CDC42BPA: variants seen among roughly 807,000 people sequenced by gnomAD.
The protein encoded by CDC42BPA is CDC42 binding protein kinase alpha.
CDC42BPA carries 80 observed loss-of-function variants against 223.5 expected under a neutral mutation model. The observed-to-expected ratio is 0.36, with a 90% CI of 0.30 to 0.43. The LOEUF is 0.43. Ranked by LOEUF, CDC42BPA falls within the 20% of genes least tolerant of loss-of-function variation. The pLI is 1.00. For synonymous variants in CDC42BPA, 694 were observed against 718.6 expected, an observed-to-expected ratio of 0.97 and a Z score of 0.55; for missense variants, 1,743 against 2,099.9, an observed-to-expected ratio of 0.83 and a Z score of 3.32.
intron 1 of CDC42BPA, among the ~76,000 whole-genome samples, chr1:227,273,741 C>A (rs147480438): frequency 1.1e-3 from 160 of 151,600 alleles, no homozygotes; most frequent in African/African-American, 3.7e-3. Context: ...GGTCCTGAAC[C>A]TCCATGAAAT....
At chr1:227,057,471 G>T (rs1674824663) in intron 21 of CDC42BPA, among the ~76,000 whole-genome samples, 1 of 152,114 alleles carries the variant, frequency 6.6e-6, no homozygotes, top group Admixed American at 6.5e-5. Flanking sequence ...GTTAAGAATG[G>T]TAACTGCATG....
chr1:227,203,019 T>A (rs565164985), intron 3 of CDC42BPA, among the ~76,000 whole-genome samples: 5 of 152,124 alleles, frequency 3.3e-5, no homozygotes, highest in East Asian at 1.9e-4. Flanking sequence ...GAAACTAGTA[T>A]AAAAACCCCC....
At chr1:227,006,598 A>G (rs970495604) in intron 34 of CDC42BPA, among the ~76,000 whole-genome samples, 4 of 152,188 alleles carry the variant, frequency 2.6e-5, no homozygotes. Context: ...AACCTCATAC[A>G]GCCATCTGCA....
intron 26 of CDC42BPA, among the ~76,000 whole-genome samples, chr1:227,034,194 G>A (rs1011789037): frequency 2.0e-5 from 3 of 152,182 alleles, no homozygotes; most frequent in Admixed American, 1.3e-4. Context: ...AGGAGAAAAG[G>A]TAAAGGAGAG....
In CDC42BPA at chr1:227,005,111, T is replaced by G. The variant is rs1663732992; in HGVS notation, c.4858A>C (p.Asn1620His). ...GIQILKDLPM[N>H]PRPQESRTVF... is the part of the protein sequence containing the mutation. ...GTCCGACTTTCCTGAGGCCGAGGGTTCTATAAACAAAAGCGAGAGAGACAT... is the reference window on the plus strand; with the variant it reads ...GTCCGACTTTCCTGAGGCCGAGGGTGCTATAAACAAAAGCGAGAGAGACAT... Residue 1620 changes from asparagine (N) to histidine (H), a missense_variant and splice_region_variant, in exon 35 of 37, where the codon AAC becomes CAC. Asn to His is a moderately conservative substitution (Grantham distance 68, BLOSUM62 1). Transcript: ENST00000366766. 2 of 1,603,994 alleles carry G rather than the reference T, an allele frequency of 1.2e-6. No individual in the cohort carries two copies. The highest frequency in any genetic ancestry group is 3.3e-5 in the Admixed American group (2 of 59,974).
intron 1 of CDC42BPA, among the ~76,000 whole-genome samples, chr1:227,316,147 A>G (rs1694350125): frequency 6.6e-6 from 1 of 152,170 alleles, no homozygotes; most frequent in African/African-American, 2.4e-5. Context: ...CTACAGACAG[A>G]TCTGGGTGAC....
chr1:227,205,283 A>T (rs951381605), intron 3 of CDC42BPA, among the ~76,000 whole-genome samples: 2,348 of 122,560 alleles, frequency 0.019, 60 homozygotes, highest in East Asian at 0.079. Flanking sequence ...AAAAAAAAAA[A>T]ATATATATAT....
chr1:227,123,505 G>A (rs1418089497), intron 11 of CDC42BPA, among the ~76,000 whole-genome samples: 1 of 152,098 alleles, frequency 6.6e-6, no homozygotes, highest in Non-Finnish European at 1.5e-5. Context: ...AAGGAGGTAA[G>A]TTAGACAACA....
At chr1:227,294,610 C>T (rs1223761439) in intron 1 of CDC42BPA, among the ~76,000 whole-genome samples, 3 of 73,056 alleles carry the variant, frequency 4.1e-5, no homozygotes, top group South Asian at 7.7e-4. Flanking sequence ...CCTGTAATCC[C>T]AGCACTTTGG....
In CDC42BPA at chr1:227,031,432, C is replaced by A. The variant is rs1358682100; in HGVS notation, c.3641G>T (p.Trp1214Leu). 80 of 1,613,936 alleles carry A rather than the reference C, an allele frequency of 5.0e-5. No individual in the cohort carries two copies. The highest frequency in any genetic ancestry group is 6.6e-5 in the Non-Finnish European group (78 of 1,179,994). Residue 1214 changes from tryptophan to leucine, a missense_variant, in exon 28 of 37, where the codon TGG becomes TTG. Around this residue, in one of 6 missense-constraint regions of CDC42BPA, gnomAD observed 678 missense variants for 777.5 expected, o/e 0.87. Transcript: ENST00000366766. ...GTGCAATTCACTCAGCACTCCCACC[C>A]ACTTATTCTTCTCATTCTCAGTGTC... The part of the protein sequence containing the change: ...LADTENEKNK[W>L]VGVLSELHKI...
At chr1:227,146,496 T>C (rs1340646649) in intron 7 of CDC42BPA, among the ~76,000 whole-genome samples, 1 of 152,120 alleles carries the variant, frequency 6.6e-6, no homozygotes, top group African/African-American at 2.4e-5. Flanking sequence ...CAACTAATCA[T>C]AATTGCTTCA....
intron 2 of CDC42BPA, among the ~76,000 whole-genome samples, chr1:227,253,400 C>T (rs988849643): frequency 8.6e-5 from 13 of 152,034 alleles, no homozygotes; most frequent in Admixed American, 3.9e-4. Flanking sequence ...ATTTGAGACC[C>T]GCCTGACCAA....
intron 21 of CDC42BPA, chr1:227,059,470 A>C: frequency 1.5e-4 from 204 of 1,388,022 alleles, no homozygotes; most frequent in Non-Finnish European, 1.9e-4. Context: ...TAAGACTCTC[A>C]AGGACTACTA....
chr1:227,119,874 GCAT>G lies in CDC42BPA; in HGVS notation c.1574_1576del (p.Asp525del). ...TTCATAAGCCTTGATTTGTCTAAAA[GCAT>G]CATCTAGTTCTTGCCTCACAGCATT... On this transcript the variant is annotated inframe_deletion, in exon 12 of 37. Coordinates refer to ENST00000366766, the MANE Select transcript of CDC42BPA (RefSeq NM_001394014.1). The G allele has an allele frequency of 6.2e-7, 1 of 1,603,412 alleles. No homozygotes were observed. The highest frequency in any genetic ancestry group is 8.5e-7 in the Non-Finnish European group (1 of 1,174,042).
At chr1:227,235,926 G>C (rs1194555803) in intron 2 of CDC42BPA, among the ~76,000 whole-genome samples, 1 of 152,178 alleles carries the variant, frequency 6.6e-6, no homozygotes, top group Non-Finnish European at 1.5e-5. Flanking sequence ...TTTCTTTCTA[G>C]ATTTGGAATA....
intron 6 of CDC42BPA, among the ~76,000 whole-genome samples, chr1:227,154,534 G>C (rs1662374139): frequency 6.6e-6 from 1 of 151,838 alleles, no homozygotes; most frequent in Non-Finnish European, 1.5e-5. Flanking sequence ...CTAGATTCAG[G>C]ATGAATATAC....
intron 34 of CDC42BPA, among the ~76,000 whole-genome samples, chr1:227,011,916 G>A (rs116507347): frequency 1.4e-3 from 206 of 152,256 alleles, no homozygotes; most frequent in African/African-American, 4.8e-3. Context: ...GGTGAATGGC[G>A]TGTTGGAGAG....
chr1:227,029,638 G>C (rs986638740), intron 29 of CDC42BPA, among the ~76,000 whole-genome samples: 3 of 149,204 alleles, frequency 2.0e-5, no homozygotes, highest in Non-Finnish European at 4.5e-5. Flanking sequence ...CATGATCTAA[G>C]TTGACATAAA....
At chr1:227,202,189 A>G (rs564118672) in intron 3 of CDC42BPA, among the ~76,000 whole-genome samples, 20 of 152,226 alleles carry the variant, frequency 1.3e-4, no homozygotes, top group African/African-American at 4.8e-4. Flanking sequence ...TCACTGCGTT[A>G]GCCAGGATGG....
Sources: gnomAD v4.1 joint callset for allele counts (sites outside exome capture counted in the v4.1 genomes callset) on GRCh38, gnomAD v4.1.1 for gene constraint, gnomAD v4.1.1 regional missense constraint, MANE v1.5 for transcripts, NCBI Gene and HGNC (gene_info 2026-07-23, HGNC 2026-07-21) for gene names.